The following DOCK4 variants were observed in gnomAD, a reference collection of about 807,000 sequenced individuals.
The protein encoded by DOCK4 is dedicator of cytokinesis 4.
Under a neutral mutation model 268.1 loss-of-function variants are expected in DOCK4, and 97 were observed. That is an observed-to-expected ratio of 0.36 (90% CI 0.31 to 0.43). The LOEUF (loss-of-function observed/expected upper bound fraction) is 0.43, where lower values mean the gene tolerates loss of function less well. Among genes scored for constraint, DOCK4 ranks in the 20% least tolerant of loss-of-function variants. The pLI, the probability that DOCK4 is intolerant of heterozygous loss-of-function variation, is 1.00. For synonymous variants in DOCK4, 954 were observed against 887.2 expected, an observed-to-expected ratio of 1.08 and a Z score of -1.34; for missense variants, 2,145 against 2,455.7, an observed-to-expected ratio of 0.87 and a Z score of 2.67.
chr7:111,962,915 A>G (rs1438639412), intron 8 of DOCK4, among the ~76,000 whole-genome samples: 1 of 152,150 alleles, frequency 6.6e-6, no homozygotes, highest in African/African-American at 2.4e-5. Flanking sequence ...CAGAAGTACT[A>G]CCCTGGTGCT....
At chr7:111,733,962 A>C (rs1038339916) in intron 51 of DOCK4, among the ~76,000 whole-genome samples, 1 of 152,180 alleles carries the variant, frequency 6.6e-6, no homozygotes, top group African/African-American at 2.4e-5. Context: ...TTTTGTGGCA[A>C]GGTCTCACTT....
intron 15 of DOCK4, among the ~76,000 whole-genome samples, chr7:111,896,487 GTTTT>G (rs79817951): frequency 7.2e-6 from 1 of 138,538 alleles, no homozygotes; most frequent in East Asian, 2.2e-4. Context: ...TTCCACCAAG[GTTTT>G]TTTTTTTTTT....
chr7:111,905,365 A>G (rs1029246770), intron 13 of DOCK4, among the ~76,000 whole-genome samples: 1 of 152,186 alleles, frequency 6.6e-6, no homozygotes, highest in African/African-American at 2.4e-5. Flanking sequence ...TGTGCACCAC[A>G]CTTTCTTCCT....
intron 1 of DOCK4, among the ~76,000 whole-genome samples, chr7:112,127,867 A>G: frequency 6.6e-6 from 1 of 152,088 alleles, no homozygotes; most frequent in East Asian, 1.9e-4. Context: ...CATCTCTACT[A>G]AAAATACAAA....
At chr7:111,890,239 T>C (rs1186279661) in intron 16 of DOCK4, among the ~76,000 whole-genome samples, 1 of 152,308 alleles carries the variant, frequency 6.6e-6, no homozygotes. Context: ...TTTTCTTAAC[T>C]TTTTCTTAAT....
chr7:112,130,680 G>C (rs1417694614), intron 1 of DOCK4, among the ~76,000 whole-genome samples: 1 of 152,154 alleles, frequency 6.6e-6, no homozygotes, highest in Non-Finnish European at 1.5e-5. Flanking sequence ...CTCAATGCTG[G>C]TCTACACTCT....
At chr7:112,152,362 A>G (rs1218323430) in intron 1 of DOCK4, among the ~76,000 whole-genome samples, 26 of 152,178 alleles carry the variant, frequency 1.7e-4, no homozygotes, top group Non-Finnish European at 1.5e-5. Flanking sequence ...TTTTCCATCA[A>G]ATGAAATAGT....
rs374241421 is a variant in DOCK4, at chr7:112,143,079, G to T, written c.37+63023C>A. Among the ~76,000 whole-genome samples the T allele has an allele frequency of 3.5e-4, 53 of 151,912 alleles. No individual in the cohort carries two copies. In the East Asian group the frequency reaches 7.0e-3, roughly 20 times the overall value. On this transcript the variant is annotated intron_variant, in intron 1 of 52. Transcript: ENST00000428084. ...TGCTTACACTGGGGGAAGTGGGTGA[G>T]TTAGGTAAGGGACTCTTTCTATGAT...
chr7:112,020,145 A>G (rs1411592454), intron 1 of DOCK4, among the ~76,000 whole-genome samples: 2 of 152,264 alleles, frequency 1.3e-5, no homozygotes, highest in Non-Finnish European at 2.9e-5. Context: ...AGCAAACAGG[A>G]CAGGGTAACC....
chr7:112,028,206 T>C (rs1329550597), intron 1 of DOCK4, among the ~76,000 whole-genome samples: 1 of 152,200 alleles, frequency 6.6e-6, no homozygotes, highest in African/African-American at 2.4e-5. Context: ...ATCGACTTTT[T>C]AAAAAGATTA....
chr7:112,016,041 A>C (rs1048774546), intron 1 of DOCK4, among the ~76,000 whole-genome samples: 1 of 152,226 alleles, frequency 6.6e-6, no homozygotes, highest in Non-Finnish European at 1.5e-5. Flanking sequence ...ACATTTCAAC[A>C]TAAGTTTTGG....
chr7:111,754,790 C>T (rs543828398), intron 42 of DOCK4, among the ~76,000 whole-genome samples: 2 of 152,150 alleles, frequency 1.3e-5, no homozygotes, highest in African/African-American at 2.4e-5. Context: ...ATTTTACAAC[C>T]GGAGGGTTCT....
At chr7:112,091,837 A>C (rs1474755717) in intron 1 of DOCK4, among the ~76,000 whole-genome samples, 1 of 152,200 alleles carries the variant, frequency 6.6e-6, no homozygotes, top group African/African-American at 2.4e-5. Context: ...TGAAGGCATC[A>C]AGAACTGAAA....
At chr7:111,847,887 T>C (rs1056244667) in intron 23 of DOCK4, among the ~76,000 whole-genome samples, 4 of 152,250 alleles carry the variant, frequency 2.6e-5, no homozygotes, top group Non-Finnish European at 4.4e-5. Context: ...AAAATGGTTA[T>C]ATCACAATTT....
chr7:112,134,468 C>T (rs1814124014), intron 1 of DOCK4, among the ~76,000 whole-genome samples: 1 of 152,126 alleles, frequency 6.6e-6, no homozygotes, highest in Admixed American at 6.5e-5. Flanking sequence ...GCCTGTAATC[C>T]CAGCACTTTG....
intron 12 of DOCK4, among the ~76,000 whole-genome samples, chr7:111,934,369 C>T (rs1381910903): frequency 6.6e-6 from 1 of 152,144 alleles, no homozygotes; most frequent in Admixed American, 6.6e-5. Flanking sequence ...CAGTTCCTCT[C>T]TGAACAAGCA....
In DOCK4 at chr7:111,853,633, G is replaced by A. The variant is rs138418060; in HGVS notation, c.2474-6507C>T. Among the ~76,000 whole-genome samples the A allele has an allele frequency of 2.2e-4, 33 of 152,318 alleles. No homozygotes were observed. In the East Asian group the frequency reaches 6.0e-3, roughly 28 times the overall value. Reference sequence around the variant, plus strand: ...GACAATGTCAGGATCACAGAGGAAAGCAACAGTGGAGGGCTACGGATGATC... The same window carrying A: ...GACAATGTCAGGATCACAGAGGAAAACAACAGTGGAGGGCTACGGATGATC... On this transcript the variant is annotated intron_variant, in intron 23 of 52. Coordinates refer to ENST00000428084, the MANE Select transcript of DOCK4 (RefSeq NM_001363540.2).
chr7:111,804,489 GAA>G lies in DOCK4; in HGVS notation c.3166+4330_3166+4331del, dbSNP rs527958590. 2.4e-3 allele frequency among the ~76,000 whole-genome samples: 361 copies of G among 152,300 alleles called. 3 individuals carry two copies. The highest frequency in any genetic ancestry group is 8.2e-3 in the African/African-American group (342 of 41,564). ...GTATAGAGTTTCAGCTTCACAAGAT[GAA>G]AAGAGTTCTAGAGATGGATGGTGGT... On this transcript the variant is annotated intron_variant, in intron 30 of 52. Coordinates refer to ENST00000428084, the MANE Select transcript of DOCK4 (RefSeq NM_001363540.2).
intron 1 of DOCK4, among the ~76,000 whole-genome samples, chr7:112,036,615 T>C (rs1202802862): frequency 3.3e-5 from 5 of 151,728 alleles, no homozygotes; most frequent in Non-Finnish European, 7.4e-5. Flanking sequence ...GACAAATATA[T>C]ATACAGACAA....
Sources: gnomAD v4.1 joint callset for allele counts (sites outside exome capture counted in the v4.1 genomes callset) on GRCh38, gnomAD v4.1.1 for gene constraint, MANE v1.5 for transcripts, NCBI Gene and HGNC (gene_info 2026-07-23, HGNC 2026-07-21) for gene names.